The following LRRC37A2 variants were observed in gnomAD, a reference collection of about 807,000 sequenced individuals.
LRRC37A2 encodes the protein leucine rich repeat containing 37 member A2.
In LRRC37A2, 9 loss-of-function variants were observed where a neutral mutation model predicts 68.8. The observed-to-expected ratio is 0.13, with a 90% CI of 0.08 to 0.23. LRRC37A2 has a LOEUF of 0.23. Ranked by LOEUF, LRRC37A2 falls within the 10% of genes least tolerant of loss-of-function variation. The probability of loss-of-function intolerance (pLI) is 1.00; values close to 1 mark genes in which losing one functional copy is unlikely to be tolerated. For missense variants in LRRC37A2, 168 were observed against 950.4 expected, an observed-to-expected ratio of 0.18 and a Z score of 10.82; for synonymous variants, 63 against 367.6, an observed-to-expected ratio of 0.17 and a Z score of 9.48.
the LRRC37A2 span, among the ~76,000 whole-genome samples, chr17:46,814,103 A>G: frequency 6.6e-6 from 1 of 152,184 alleles, no homozygotes; most frequent in African/African-American, 2.4e-5. Context: ...GATTAATTGC[A>G]GGGCAGACAT....
At chr17:46,409,302 C>CTT in the LRRC37A2 span, among the ~76,000 whole-genome samples, 1 of 134,802 alleles carries the variant, frequency 7.4e-6, no homozygotes, top group African/African-American at 2.8e-5. Context: ...TTTTTTTTTT[C>CTT]TTTTTTTTTT....
the LRRC37A2 span, among the ~76,000 whole-genome samples, chr17:47,023,651 A>G: frequency 1.3e-5 from 2 of 151,958 alleles, no homozygotes; most frequent in Non-Finnish European, 2.9e-5. Flanking sequence ...CTGGAGTGCA[A>G]TGGTGCGATC....
chr17:46,502,391 A>G, the LRRC37A2 span, among the ~76,000 whole-genome samples: 1 of 151,006 alleles, frequency 6.6e-6, no homozygotes, highest in South Asian at 2.1e-4. Context: ...GCTCACTGCA[A>G]TCTCTGCCTC....
At chr17:46,775,645 G>A in the LRRC37A2 span, among the ~76,000 whole-genome samples, 6 of 130,092 alleles carry the variant, frequency 4.6e-5, no homozygotes, top group Non-Finnish European at 9.3e-5. Flanking sequence ...ACAGAGTCTC[G>A]CTGTGTCACC....
chr17:47,011,030 G>GCTCA, the LRRC37A2 span, among the ~76,000 whole-genome samples: 1 of 152,138 alleles, frequency 6.6e-6, no homozygotes, highest in Non-Finnish European at 1.5e-5. Context: ...ATGGTCCCAA[G>GCTCA]CTCAGGCTGG....
chr17:46,622,238 A>G, the LRRC37A2 span, among the ~76,000 whole-genome samples: 1 of 144,040 alleles, frequency 6.9e-6, no homozygotes, highest in Non-Finnish European at 1.5e-5. Context: ...TGGGTGGATC[A>G]CAAGGTCAGG....
chr17:46,841,588 GC>G, the LRRC37A2 span, among the ~76,000 whole-genome samples: 2 of 152,234 alleles, frequency 1.3e-5, no homozygotes, highest in Non-Finnish European at 2.9e-5. Context: ...ACGCAACAGG[GC>G]TTCGGAGAAG....
chr17:46,911,263 G>A, the LRRC37A2 span, among the ~76,000 whole-genome samples: 69 of 152,332 alleles, frequency 4.5e-4, no homozygotes, highest in African/African-American at 1.6e-3. Flanking sequence ...CTCAGGCTTT[G>A]TGTCTAAAAA....
the LRRC37A2 span, among the ~76,000 whole-genome samples, chr17:46,776,121 G>A: frequency 6.6e-5 from 10 of 152,248 alleles, no homozygotes; most frequent in African/African-American, 1.9e-4. Context: ...TGGAATTGCT[G>A]GTTGGAACCC....
the LRRC37A2 span, among the ~76,000 whole-genome samples, chr17:46,583,474 T>G: frequency 4.1e-5 from 3 of 73,542 alleles, 1 homozygote; most frequent in African/African-American, 1.2e-4. Context: ...TTTTGTTGTT[T>G]TTAGTAGAGA....
the LRRC37A2 span, among the ~76,000 whole-genome samples, chr17:46,784,852 T>C: frequency 1.3e-5 from 2 of 150,580 alleles, no homozygotes; most frequent in African/African-American, 2.4e-5. Context: ...CTCGGGTCAC[T>C]GCAAGCTCCA....
At chr17:46,943,358 C>T in the LRRC37A2 span, among the ~76,000 whole-genome samples, 1 of 152,340 alleles carries the variant, frequency 6.6e-6, no homozygotes, top group African/African-American at 2.4e-5. Flanking sequence ...AGTGCAGCCC[C>T]CAGCCCTCCC....
the LRRC37A2 span, among the ~76,000 whole-genome samples, chr17:46,787,786 C>G: frequency 5.9e-5 from 9 of 152,136 alleles, no homozygotes; most frequent in Non-Finnish European, 1.2e-4. Context: ...AAACGCCTGT[C>G]TCTACTAAAA....
chr17:46,714,087 A>C, the LRRC37A2 span: 1 of 1,264,704 alleles, frequency 7.9e-7, no homozygotes. Flanking sequence ...AACCCATAGC[A>C]ACTATGTTCT....
At chr17:46,877,086 A>G in the LRRC37A2 span, 1 of 1,058,146 alleles carries the variant, frequency 9.5e-7, no homozygotes, top group Non-Finnish European at 1.1e-6. Flanking sequence ...AATGGCTTGG[A>G]GCCAGCATGT....
the LRRC37A2 span, chr17:46,728,748 G>A: frequency 1.5e-6 from 1 of 646,902 alleles, no homozygotes; most frequent in Non-Finnish European, 2.5e-6. Flanking sequence ...TTCTGCTTAT[G>A]TAGGGACTGT....
the LRRC37A2 span, among the ~76,000 whole-genome samples, chr17:46,761,334 G>GTT: frequency 1.5e-4 from 20 of 137,562 alleles, no homozygotes; most frequent in Non-Finnish European, 1.4e-4. Context: ...TTTTTTGTTT[G>GTT]TTTTTTTTTT....
chr17:46,834,879 C>T, the LRRC37A2 span, among the ~76,000 whole-genome samples: 2 of 152,166 alleles, frequency 1.3e-5, no homozygotes, highest in Admixed American at 1.3e-4. Context: ...CCCACCTTAC[C>T]CCCAGAAGCA....
At chr17:46,807,728 C>T in the LRRC37A2 span, among the ~76,000 whole-genome samples, 8 of 152,156 alleles carry the variant, frequency 5.3e-5, no homozygotes, top group Non-Finnish European at 8.8e-5. Flanking sequence ...CATGTCTGCC[C>T]TCAAGAGGCT....
Sources: allele counts gnomAD v4.1 joint callset (sites outside exome capture counted in the v4.1 genomes callset), GRCh38; gene constraint gnomAD v4.1.1; transcripts MANE v1.5; gene names NCBI Gene and HGNC (gene_info 2026-07-23, HGNC 2026-07-21).